Variants in BMP1 observed in about 807,000 individuals in gnomAD.
The protein encoded by BMP1 is bone morphogenetic protein 1.
Under a neutral mutation model 116.8 loss-of-function variants are expected in BMP1, and 63 were observed. The ratio of observed to expected loss-of-function variants is 0.54; its 90% CI spans 0.44 to 0.67. The LOEUF (loss-of-function observed/expected upper bound fraction) is 0.67. Ranked by LOEUF, BMP1 falls within the 30% of genes least tolerant of loss-of-function variation. The pLI, the probability that BMP1 is intolerant of heterozygous loss-of-function variation, is 0.00. For missense variants in BMP1, 1,183 were observed against 1,358.9 expected (o/e 0.87, Z 2.04); for synonymous variants, 536 against 533.4 (o/e 1.00, Z -0.07).
chr8:22,185,976 C>T (rs888253690), intron 8 of BMP1, among the ~76,000 whole-genome samples: 1 of 151,956 alleles, frequency 6.6e-6, no homozygotes, highest in Admixed American at 6.6e-5. Context: ...GCTGGGATTA[C>T]AGGCGCCTGC....
In BMP1 at chr8:22,206,946, GC is replaced by G; in HGVS notation, c.2328del (p.Ile777SerfsTer11). ...TCCCAGCAAGAAGGAGTGCACGTGG[GC>G]CATCTCCAGCACCCCCGGGCACCGG... ...KYPSKKECTW[A>X]ISSTPGHRVK... is the part of the protein sequence containing the mutation. On this transcript the variant is annotated frameshift_variant, in exon 17 of 20. Coordinates refer to ENST00000306385, the MANE Select transcript of BMP1 (RefSeq NM_006129.5). LOFTEE classifies it high-confidence loss of function. The G allele has an allele frequency of 6.2e-7, 1 of 1,614,172 alleles. No individual in the cohort carries two copies. The highest frequency in any genetic ancestry group is 8.5e-7 in the Non-Finnish European group (1 of 1,180,010).
intron 1 of BMP1, among the ~76,000 whole-genome samples, chr8:22,168,532 G>C (rs1828182382): frequency 6.6e-6 from 1 of 152,182 alleles, no homozygotes; most frequent in Non-Finnish European, 1.5e-5. Context: ...TGAGGCCCCT[G>C]CTACCACCTC....
chr8:22,176,461 G>C, intron 3 of BMP1, 72 bp from the exon 4 acceptor site: 1 of 1,575,904 alleles, frequency 6.3e-7, no homozygotes, highest in Admixed American at 1.7e-5. Context: ...GAATGGCTGT[G>C]ACTCTTCAGT....
Position 22,209,562 on chromosome 8 carries a change from A to G in BMP1, c.2693A>G (p.Glu898Gly). 6.2e-7 allele frequency: 1 copy of G among 1,614,184 alleles called. No homozygotes were observed. Among genetic ancestry groups the G allele is most frequent in the Non-Finnish European group, 8.5e-7 (1 of 1,180,014 alleles). Residue 898 changes from glutamate to glycine, a missense_variant, in exon 19 of 20, where the codon GAA (glutamate) becomes GGA (glycine). Physicochemically the swap from Glu to Gly is moderately conservative, Grantham distance 98 (BLOSUM62 -2). This residue lies in a region of BMP1 where 956 missense variants were observed against 1,135.2 expected (regional missense o/e 0.84). Coordinates refer to ENST00000306385, the MANE Select transcript of BMP1 (RefSeq NM_006129.5). The stretch of plus-strand genomic sequence containing the variant: ...TGTGAGTGGGTCATTGTGGCCGAGG[A>G]AGGCTACGGCGTGGAGCTCGTGTTC... Reference protein sequence around the residue: ...VDCEWVIVAEEGYGVELVFQT... With the variant: ...VDCEWVIVAEGGYGVELVFQT...
chr8:22,178,623 C>A (rs981605189), intron 6 of BMP1, among the ~76,000 whole-genome samples: 2 of 152,098 alleles, frequency 1.3e-5, no homozygotes, highest in African/African-American at 4.8e-5. Flanking sequence ...CCAGTTTGCA[C>A]GAAGCCTGAC....
Position 22,194,323 on chromosome 8 carries a change from T to C in BMP1, c.1298-122T>C, listed in dbSNP as rs1829015315. 1.4e-6 allele frequency: 2 copies of C among 1,473,484 alleles called. No individual in the cohort carries two copies. Among genetic ancestry groups the C allele is most frequent in the Non-Finnish European group, 1.9e-6 (2 of 1,073,842 alleles). The allele number at this position is 1,473,484 out of a possible 1,614,324, so 91.3% of individuals were successfully genotyped here. On this transcript the variant is annotated intron_variant, in intron 10 of 19. Coordinates refer to ENST00000306385, the MANE Select transcript of BMP1 (RefSeq NM_006129.5). The surrounding 1 kb of genome is among the most constrained non-coding windows in gnomAD (Gnocchi z 4.5). ...ATGGGATTGCCTGGGACTGGGGGTT[T>C]GGTGGGGAACTGAAAAGCTGGGGGA...
intron 8 of BMP1, among the ~76,000 whole-genome samples, chr8:22,182,337 G>C (rs1201786807): frequency 6.6e-6 from 1 of 152,122 alleles, no homozygotes; most frequent in Non-Finnish European, 1.5e-5. Flanking sequence ...ACAAACCAAA[G>C]AAGAACCAAG....
intron 13 of BMP1, 156 bp from the exon 14 acceptor site, chr8:22,196,524 C>G (rs1829096140): frequency 2.7e-6 from 3 of 1,129,806 alleles, no homozygotes; most frequent in Non-Finnish European, 2.6e-6. Context: ...CACCCTGCCT[C>G]CTCCCGTCCG....
intron 15 of BMP1, among the ~76,000 whole-genome samples, chr8:22,199,908 C>T (rs140772156): frequency 1.3e-5 from 2 of 152,294 alleles, no homozygotes; most frequent in East Asian, 3.9e-4. Context: ...GGGGTCTAAC[C>T]TACCTGATCC....
intron 8 of BMP1, among the ~76,000 whole-genome samples, chr8:22,183,791 G>T (rs1433055803): frequency 1.3e-5 from 2 of 152,060 alleles, no homozygotes; most frequent in Non-Finnish European, 2.9e-5. Flanking sequence ...GGTCAGGCTG[G>T]TCTCGAACTC....
intron 1 of BMP1, among the ~76,000 whole-genome samples, chr8:22,172,671 G>A (rs370530124): frequency 2.2e-5 from 3 of 137,324 alleles, no homozygotes; most frequent in South Asian, 2.3e-4. Flanking sequence ...GGATTGCAGT[G>A]GCATCATCTC....
At chr8:22,165,882 C>CGTGCGTGTGTGTGTGTGTGTGTGT (rs1016666673) in intron 1 of BMP1, among the ~76,000 whole-genome samples, 2 of 131,314 alleles carry the variant, frequency 1.5e-5, no homozygotes, top group Admixed American at 7.7e-5. Context: ...CCTGTGCGTG[C>CGTGCGTGTGTGTGTGTGTGTGTGT]GTGTGTGTGT....
chr8:22,209,324 C>G (rs1829419362), intron 18 of BMP1, 121 bp from the exon 19 acceptor site: 13 of 1,491,552 alleles, frequency 8.7e-6, no homozygotes, highest in Non-Finnish European at 1.1e-5. Flanking sequence ...CCACCCATCA[C>G]TGGCCTCGTG....
At chr8:22,177,823 C>T (rs376778966) in intron 5 of BMP1, 29 bp from the exon 6 acceptor site, 5 of 1,540,992 alleles carry the variant, frequency 3.2e-6, no homozygotes, top group African/African-American at 1.4e-5. Context: ...CCCTCCTCTC[C>T]CCCCACACCC....
At chr8:22,201,067 C>T (rs1829247001) in intron 15 of BMP1, 2 of 1,299,636 alleles carry the variant, frequency 1.5e-6, no homozygotes, top group South Asian at 1.2e-5. Flanking sequence ...CTGGTCCCTG[C>T]CCTCCACCCC....
rs773206592 is a variant in BMP1 at position 22,165,451 on chromosome 8, C to T, written c.46C>T (p.Leu16Phe). The T allele has an allele frequency of 1.3e-6, 2 of 1,578,660 alleles. No individual in the cohort carries two copies. The highest frequency in any genetic ancestry group is 2.3e-5 in the South Asian group (2 of 87,448). The part of the protein sequence containing the change: ...RLPLLLGLLL[L>F]PRPGRPLDLA... ...GCCGCTGCTGCTCGGGCTGCTGCTG[C>T]TCCCGCGTCCCGGCCGGCCGCTGGA... The change falls in exon 1 of 20, where the codon CTC becomes TTC. Residue 16 changes from leucine to phenylalanine, a missense_variant. Leu to Phe is a conservative substitution (Grantham distance 22). Coordinates refer to ENST00000306385, the MANE Select transcript of BMP1 (RefSeq NM_006129.5).
rs568686233 is a variant in BMP1 at position 22,195,012 on chromosome 8, A to G, written c.1639+93A>G. ...ATTCAACACGGAGACTCCAGGAGGCATATTGATACCAGTGAGACCCCAGGG... is the reference window on the plus strand; with the variant it reads ...ATTCAACACGGAGACTCCAGGAGGCGTATTGATACCAGTGAGACCCCAGGG... On this transcript the variant is annotated intron_variant, in intron 12 of 19. Coordinates refer to ENST00000306385, the MANE Select transcript of BMP1 (RefSeq NM_006129.5). 3.0e-6 allele frequency: 4 copies of G among 1,352,808 alleles called. No individual in the cohort carries two copies. The East Asian group carries it at 6.9e-5, about 23-fold the overall frequency. The allele number at this position is 1,352,808 out of a possible 1,614,324, so 83.8% of individuals were successfully genotyped here.
In BMP1 at chr8:22,196,826, A is replaced by G; in HGVS notation, c.1912A>G (p.Thr638Ala). The G allele has an allele frequency of 6.2e-7, 1 of 1,613,566 alleles. No homozygotes were observed. The highest frequency in any genetic ancestry group is 8.5e-7 in the Non-Finnish European group (1 of 1,179,802). The part of the protein sequence containing the change: ...RISLQFDFFE[T>A]EGNDVCKYDF... Reference sequence around the variant, plus strand: ...CTCCCTGCAGTTTGACTTCTTTGAGACAGAGGGCAATGATGTAAGTGCCCA... The same window carrying G: ...CTCCCTGCAGTTTGACTTCTTTGAGGCAGAGGGCAATGATGTAAGTGCCCA... Residue 638 changes from threonine (T) to alanine (A), a missense_variant, in exon 14 of 20, where the codon ACA becomes GCA. Around this residue, in one of 4 missense-constraint regions of BMP1, gnomAD observed 956 missense variants for 1,135.2 expected, o/e 0.84. Coordinates refer to ENST00000306385, the MANE Select transcript of BMP1 (RefSeq NM_006129.5).
At chr8:22,170,316 G>A (rs1426486505) in intron 1 of BMP1, 1 of 152,620 alleles carries the variant, frequency 6.6e-6, no homozygotes, top group African/African-American at 2.4e-5. Flanking sequence ...GAGGTCTAGA[G>A]CTGACTTTGA....
Sources: gnomAD v4.1 joint callset for allele counts (sites outside exome capture counted in the v4.1 genomes callset) on GRCh38, gnomAD v4.1.1 for gene constraint, gnomAD v4.1.1 regional missense constraint, Gnocchi (gnomAD v3.1) non-coding constraint, MANE v1.5 for transcripts, NCBI Gene and HGNC (gene_info 2026-07-23, HGNC 2026-07-21) for gene names.